Variants in RSPH14 observed in about 807,000 individuals in gnomAD.
RSPH14 encodes radial spoke head 14 homolog.
RSPH14 carries 20 observed loss-of-function variants against 26.7 expected under a neutral mutation model. The observed-to-expected ratio is 0.75, with a 90% confidence interval of 0.53 to 1.09. The LOEUF (loss-of-function observed/expected upper bound fraction) is 1.09, where lower values mean the gene tolerates loss of function less well. RSPH14 is among the 50% of genes least tolerant of loss of function. RSPH14 has a pLI of 0.00. For synonymous variants in RSPH14, 177 were observed against 189.3 expected, an observed-to-expected ratio of 0.93 and a Z score of 0.53; for missense variants, 449 against 457.2, an observed-to-expected ratio of 0.98 and a Z score of 0.16.
chr22:23,063,603 G>T (rs1418244782), intron 5 of RSPH14, among the ~76,000 whole-genome samples: 1 of 152,160 alleles, frequency 6.6e-6, no homozygotes, highest in African/African-American at 2.4e-5. Flanking sequence ...GTGACCGCTG[G>T]GTGTCATGAT....
At chr22:23,085,140 C>T (rs940627290) in intron 4 of RSPH14, among the ~76,000 whole-genome samples, 3 of 152,176 alleles carry the variant, frequency 2.0e-5, no homozygotes, top group South Asian at 2.1e-4. Context: ...AGGCTAAGCC[C>T]GTCTGCTGCA....
the RSPH14 span, among the ~76,000 whole-genome samples, chr22:23,170,713 C>T: frequency 6.6e-6 from 1 of 151,914 alleles, no homozygotes; most frequent in Non-Finnish European, 1.5e-5. Context: ...AGCCTGGTGA[C>T]AGAGCGAGAC....
chr22:23,132,755 C>G (rs2070382565), intron 4 of RSPH14: 1 of 152,130 alleles, frequency 6.6e-6, no homozygotes, highest in East Asian at 1.9e-4. Context: ...CTATGTTGCT[C>G]AGGCTGGAGT....
intron 4 of RSPH14, chr22:23,070,547 G>A (rs2068332686): frequency 6.6e-6 from 1 of 151,486 alleles, no homozygotes. Flanking sequence ...CAGCTCGGCA[G>A]ATGCTCTGTG....
Position 23,122,977 on chromosome 22 carries a change from C to A in RSPH14, c.421+11049G>T, listed in dbSNP as rs61645465. 191 of 696,412 alleles carry A rather than the reference C, an allele frequency of 2.7e-4. 1 individual carries two copies. In the East Asian group the frequency reaches 4.4e-3, roughly 16 times the overall value. 43.1% of individuals were successfully genotyped at this position (696,412 alleles called of 1,614,324 possible). On this transcript the variant is annotated intron_variant, in intron 4 of 6. Coordinates refer to ENST00000216036, the MANE Select transcript of RSPH14 (RefSeq NM_014433.3). ...CAGAAGGAGGTGCCATTGCAGGGAC[C>A]AGTCTTGGGCTGAGACCCTAGCAAA...
At chr22:23,164,108 T>C in the RSPH14 span, 10 of 152,360 alleles carry the variant, frequency 6.6e-5, no homozygotes, top group South Asian at 2.1e-4. Context: ...GCAGACAGCA[T>C]TGGGGTCCAT....
chr22:23,099,196 G>A (rs1336709267), intron 4 of RSPH14, among the ~76,000 whole-genome samples: 1 of 152,258 alleles, frequency 6.6e-6, no homozygotes, highest in Non-Finnish European at 1.5e-5. Flanking sequence ...CAAGGAGAAC[G>A]TCAGTGTCTC....
the RSPH14 span, chr22:23,163,539 CTT>C: frequency 6.7e-6 from 1 of 150,050 alleles, no homozygotes; most frequent in African/African-American, 2.4e-5. Context: ...CCATAAATGA[CTT>C]TTAAAGGGGT....
chr22:23,073,938 G>T (rs1418412737), intron 4 of RSPH14, among the ~76,000 whole-genome samples: 2 of 152,058 alleles, frequency 1.3e-5, no homozygotes, highest in East Asian at 3.9e-4. Context: ...ATGGGGGTGG[G>T]GGACTGACAC....
chr22:23,157,487 C>T, the RSPH14 span, among the ~76,000 whole-genome samples: 35,106 of 151,988 alleles, frequency 0.23, 4,536 homozygotes, highest in East Asian at 0.35. Flanking sequence ...TCTTGATCTC[C>T]TGACTTAGTG....
At chr22:23,156,658 C>T in the RSPH14 span, among the ~76,000 whole-genome samples, 6 of 152,188 alleles carry the variant, frequency 3.9e-5, no homozygotes, top group Admixed American at 2.0e-4. Flanking sequence ...TATAAGGCAC[C>T]GATATGTCTA....
the RSPH14 span, chr22:23,152,437 G>A: frequency 6.2e-7 from 1 of 1,613,870 alleles, no homozygotes; most frequent in Non-Finnish European, 8.5e-7. Flanking sequence ...ATGCCCGACG[G>A]CAACACGGCC....
At position 23,102,392 on chromosome 22, in the gene RSPH14, T is replaced by C. The variant is rs79250967; in HGVS notation, c.421+31634A>G. Among the ~76,000 whole-genome samples, 454 of 152,334 alleles carry C rather than the reference T, an allele frequency of 3.0e-3. 3 individuals carry two copies. Among genetic ancestry groups the C allele is most frequent in the African/African-American group, 0.01 (436 of 41,588 alleles). On this transcript the variant is annotated intron_variant, in intron 4 of 6. Transcript: ENST00000216036. ...GCACTTCAGTCCTTGGGTTAGCTCC[T>C]TCCTTCCTCTGCTCCCAGGGAGGAT...
the RSPH14 span, among the ~76,000 whole-genome samples, chr22:23,175,745 G>T: frequency 6.6e-6 from 1 of 152,334 alleles, no homozygotes; most frequent in East Asian, 1.9e-4. Flanking sequence ...AGGCTCCTGG[G>T]GTAGCGCTCA....
intron 4 of RSPH14, among the ~76,000 whole-genome samples, chr22:23,130,158 A>G (rs1268328604): frequency 2.1e-5 from 3 of 142,912 alleles, no homozygotes; most frequent in East Asian, 2.1e-4. Flanking sequence ...AAAGAAAGAA[A>G]GAAAAAGAAA....
At chr22:23,112,914 G>C (rs1468287699) in intron 4 of RSPH14, among the ~76,000 whole-genome samples, 1 of 152,234 alleles carries the variant, frequency 6.6e-6, no homozygotes, top group Non-Finnish European at 1.5e-5. Context: ...ACCCCATGCT[G>C]TGCTGTGCCA....
chr22:23,159,181 C>G, the RSPH14 span: 1 of 1,611,174 alleles, frequency 6.2e-7, no homozygotes, highest in Admixed American at 1.7e-5. Context: ...CGCATGTGAG[C>G]AGGCCGAAGC....
At chr22:23,060,126 C>A (rs550381015) in intron 6 of RSPH14, among the ~76,000 whole-genome samples, 1 of 152,194 alleles carries the variant, frequency 6.6e-6, no homozygotes, top group South Asian at 2.1e-4. Flanking sequence ...CTGCAGTGAT[C>A]GTGACATCGT....
chr22:23,063,590 T>G (rs1373131864), intron 5 of RSPH14, among the ~76,000 whole-genome samples: 1 of 152,174 alleles, frequency 6.6e-6, no homozygotes, highest in Non-Finnish European at 1.5e-5. Flanking sequence ...CAGGAGGCAC[T>G]CAGTGACCGC....
Sources: allele counts gnomAD v4.1 joint callset (sites outside exome capture counted in the v4.1 genomes callset), GRCh38; gene constraint gnomAD v4.1.1; transcripts MANE v1.5; gene names NCBI Gene and HGNC (gene_info 2026-07-23, HGNC 2026-07-21).